Variants in RERE observed in about 807,000 individuals in gnomAD.
RERE encodes arginine-glutamic acid dipeptide repeats protein.
A neutral mutation model predicts 146.1 loss-of-function variants in RERE; 40 were observed. The observed-to-expected ratio is 0.27, with a 90% CI of 0.21 to 0.36. RERE has a LOEUF of 0.36. Among genes scored for constraint, RERE ranks in the 10% least tolerant of loss-of-function variants. The probability of loss-of-function intolerance (pLI) is 1.00; values close to 1 mark genes in which losing one functional copy is unlikely to be tolerated. For missense variants in RERE, 1,933 were observed against 2,138.7 expected (o/e 0.90, Z 1.90); for synonymous variants, 1,003 against 866.0 (o/e 1.16, Z -2.78).
At chr1:8,427,161 A>C (rs1644026031) in intron 11 of RERE, among the ~76,000 whole-genome samples, 1 of 152,148 alleles carries the variant, frequency 6.6e-6, no homozygotes, top group South Asian at 2.1e-4. Flanking sequence ...CGGACAAGTG[A>C]AACCAACCAT....
chr1:8,673,894 C>A (rs983027069), intron 1 of RERE, among the ~76,000 whole-genome samples: 1 of 152,032 alleles, frequency 6.6e-6, no homozygotes, highest in Non-Finnish European at 1.5e-5. Flanking sequence ...AGCTGGGCAC[C>A]TGGTGGCAAA....
At chr1:8,386,807 T>C (rs554346003) in intron 12 of RERE, among the ~76,000 whole-genome samples, 1 of 152,180 alleles carries the variant, frequency 6.6e-6, no homozygotes, top group South Asian at 2.1e-4. Context: ...ATCTACTATA[T>C]ATTCTCTCAG....
At chr1:8,609,949 C>T (rs1646771464) in intron 4 of RERE, among the ~76,000 whole-genome samples, 1 of 152,040 alleles carries the variant, frequency 6.6e-6, no homozygotes, top group African/African-American at 2.4e-5. Context: ...TTCATTTTTT[C>T]GCAGAGATGG....
chr1:8,708,726 G>A (rs760069046), intron 1 of RERE, among the ~76,000 whole-genome samples: 14 of 151,892 alleles, frequency 9.2e-5, no homozygotes, highest in South Asian at 2.1e-4. Flanking sequence ...TTTGCCTTCC[G>A]CCTCCCCAGC....
At chr1:8,682,392 C>T (rs7547833) in intron 1 of RERE, among the ~76,000 whole-genome samples, 147,697 of 152,336 alleles carry the variant, frequency 0.97, 71,619 homozygotes, top group East Asian at 1. Flanking sequence ...ACAACCAATT[C>T]CTGTTCTGAG....
chr1:8,622,226 G>C (rs1198599689), intron 3 of RERE, among the ~76,000 whole-genome samples: 2 of 152,150 alleles, frequency 1.3e-5, no homozygotes, highest in Admixed American at 6.6e-5. Context: ...TTTCATAAGA[G>C]ATGCTGTTCA....
At chr1:8,450,577 C>G (rs868770248) in intron 11 of RERE, among the ~76,000 whole-genome samples, 1 of 152,152 alleles carries the variant, frequency 6.6e-6, no homozygotes, top group Non-Finnish European at 1.5e-5. Context: ...TCCTCTCACA[C>G]GCAGTTCTCC....
At chr1:8,502,246 C>G (rs1361877544) in intron 8 of RERE, among the ~76,000 whole-genome samples, 3 of 112,896 alleles carry the variant, frequency 2.7e-5, no homozygotes, top group Non-Finnish European at 5.6e-5. Context: ...GCCACCCCGT[C>G]CGGGAGGTGA....
At chr1:8,417,053 T>C (rs986690176) in intron 12 of RERE, among the ~76,000 whole-genome samples, 3 of 152,230 alleles carry the variant, frequency 2.0e-5, no homozygotes, top group African/African-American at 7.2e-5. Flanking sequence ...CATTTGCACA[T>C]TCTCAGTAGC....
chr1:8,588,015 A>G (rs1339462410), intron 4 of RERE, among the ~76,000 whole-genome samples: 1 of 152,148 alleles, frequency 6.6e-6, no homozygotes, highest in East Asian at 1.9e-4. Flanking sequence ...ATATTCTTAC[A>G]TTCAACAAAC....
chr1:8,553,357 C>T (rs369730205), intron 6 of RERE, among the ~76,000 whole-genome samples: 74 of 151,918 alleles, frequency 4.9e-4, no homozygotes, highest in African/African-American at 1.7e-3. Context: ...AGCACATCCA[C>T]ACACACACGT....
intron 1 of RERE, among the ~76,000 whole-genome samples, chr1:8,795,601 C>T (rs1324967990): frequency 6.6e-6 from 1 of 152,166 alleles, no homozygotes; most frequent in Non-Finnish European, 1.5e-5. Context: ...GACTCTAGGT[C>T]TTCTCATGCC....
At chr1:8,741,007 G>C (rs920920007) in intron 1 of RERE, among the ~76,000 whole-genome samples, 1 of 152,128 alleles carries the variant, frequency 6.6e-6, no homozygotes, top group African/African-American at 2.4e-5. Context: ...TACTGTCCAC[G>C]ATTGAATGTG....
chr1:8,786,740 T>G, intron 1 of RERE: 1 of 780,394 alleles, frequency 1.3e-6, no homozygotes, highest in African/African-American at 1.7e-5. Flanking sequence ...CGAATTTCAG[T>G]TCTGTACATC....
intron 4 of RERE, among the ~76,000 whole-genome samples, chr1:8,564,783 T>C (rs889502852): frequency 8.6e-5 from 13 of 150,424 alleles, no homozygotes; most frequent in Non-Finnish European, 1.8e-4. Context: ...CAACAATGAA[T>C]GGAGACAGAA....
At chr1:8,626,838 T>C (rs1041540054) in intron 2 of RERE, among the ~76,000 whole-genome samples, 1 of 152,248 alleles carries the variant, frequency 6.6e-6, no homozygotes, top group African/African-American at 2.4e-5. Context: ...CTTTGACTGT[T>C]AAGCCACTTT....
At chr1:8,375,632 A>AGCAGCCACTGAAAATGTTTCCTCG (rs1221951173) in intron 12 of RERE, among the ~76,000 whole-genome samples, 3 of 79,130 alleles carry the variant, frequency 3.8e-5, no homozygotes, top group Non-Finnish European at 5.5e-5. Flanking sequence ...ATGCTTCCTC[A>AGCAGCCACTGAAAATGTTTCCTCG]CTCAGCAGCC....
chr1:8,747,598 A>G (rs965088242), intron 1 of RERE, among the ~76,000 whole-genome samples: 4 of 152,084 alleles, frequency 2.6e-5, no homozygotes, highest in Non-Finnish European at 4.4e-5. Flanking sequence ...ATATTACCTT[A>G]TCTAGTTACA....
At position 8,642,838 on chromosome 1, in the gene RERE, G is replaced by A. The variant is rs185863416; in HGVS notation, c.325+13135C>T. Among the ~76,000 whole-genome samples, 400 of 152,174 alleles carry A rather than the reference G, an allele frequency of 2.6e-3. 2 individuals carry two copies. Among genetic ancestry groups the A allele is most frequent in the African/African-American group, 9.2e-3 (380 of 41,504 alleles). ...AAAGTCCTCCCATCAACTGCTCTGT[G>A]CACATGTCTCCTACTCAACTGCTAA... On this transcript the variant is annotated intron_variant, in intron 2 of 22. Transcript: ENST00000400908.
Sources: gnomAD v4.1 joint callset for allele counts (sites outside exome capture counted in the v4.1 genomes callset) on GRCh38, gnomAD v4.1.1 for gene constraint, MANE v1.5 for transcripts, NCBI Gene and HGNC (gene_info 2026-07-23, HGNC 2026-07-21) for gene names.